The following THRB variants were observed in gnomAD, a reference collection of about 807,000 sequenced individuals.
THRB encodes the protein nuclear receptor subfamily 1 group A member 2.
In THRB, 12 loss-of-function variants were observed where a neutral mutation model predicts 47.8. The ratio of observed to expected loss-of-function variants is 0.25; its 90% confidence interval spans 0.16 to 0.41. The LOEUF (loss-of-function observed/expected upper bound fraction) is 0.41. Among genes scored for constraint, THRB ranks in the 10% least tolerant of loss-of-function variants. THRB has a pLI of 1.00. For missense variants in THRB, 348 were observed against 589.2 expected, an observed-to-expected ratio of 0.59 and a Z score of 4.24; for synonymous variants, 218 against 212.2, an observed-to-expected ratio of 1.03 and a Z score of -0.24.
intron 1 of THRB, among the ~76,000 whole-genome samples, chr3:24,404,323 A>G (rs2067654224): frequency 6.6e-6 from 1 of 151,952 alleles, no homozygotes. Flanking sequence ...CAAACTCCAT[A>G]TTGCAACTGT....
At chr3:24,243,433 G>A (rs9840296) in intron 3 of THRB, among the ~76,000 whole-genome samples, 88,063 of 151,534 alleles carry the variant, frequency 0.58, 25,912 homozygotes, top group East Asian at 0.8. Context: ...CCTCTTCCTC[G>A]AACGTGTCAT....
chr3:24,186,339 A>AG (rs999000503), intron 5 of THRB, among the ~76,000 whole-genome samples: 5 of 149,412 alleles, frequency 3.3e-5, no homozygotes, highest in Non-Finnish European at 5.9e-5. Context: ...CTGGGAAGGG[A>AG]GGAGGAGGAC....
rs150004310 is a variant in THRB at position 24,145,773 on chromosome 3, C to T, written c.532+902G>A. ...AAATGTGAGTCATGATTACTTCTTT[C>T]ATCAGGAAAAATCCTCACTGTATTT... On this transcript the variant is annotated intron_variant, in intron 7 of 10. Transcript: ENST00000646209. 9.9e-5 allele frequency among the ~76,000 whole-genome samples: 15 copies of T among 152,226 alleles called. No individual in the cohort carries two copies. In the East Asian group the frequency reaches 2.5e-3, roughly 25 times the overall value.
At chr3:24,383,301 T>C (rs1356677218) in intron 1 of THRB, among the ~76,000 whole-genome samples, 1 of 152,110 alleles carries the variant, frequency 6.6e-6, no homozygotes, top group Non-Finnish European at 1.5e-5. Context: ...CCATCCCTCA[T>C]CCATTCATCC....
rs2030994753 is a variant in THRB, at chr3:24,118,213, A to G, written c.*4671T>C. The G allele has an allele frequency of 6.5e-6, 1 of 152,682 alleles. No individual in the cohort carries two copies. The highest frequency in any genetic ancestry group is 2.4e-5 in the African/African-American group (1 of 41,474). 9.5% of individuals were successfully genotyped at this position (152,682 alleles called of 1,614,324 possible). A position where few individuals can be genotyped will look rare whatever the true frequency, so the allele number is the denominator to read the frequency against. On this transcript the variant is annotated 3_prime_UTR_variant, in exon 11 of 11. Coordinates refer to ENST00000646209, the MANE Select transcript of THRB (RefSeq NM_001354712.2). Reference sequence around the variant, plus strand: ...TTTAAAGAAAGAGACAGGAAAATATATCTGTTATAAGCTTTTTCTTTTTTA... The same window carrying G: ...TTTAAAGAAAGAGACAGGAAAATATGTCTGTTATAAGCTTTTTCTTTTTTA...
At chr3:24,207,001 T>G (rs887901006) in intron 4 of THRB, among the ~76,000 whole-genome samples, 1 of 152,038 alleles carries the variant, frequency 6.6e-6, no homozygotes, top group Non-Finnish European at 1.5e-5. Flanking sequence ...AGGCAATAAT[T>G]AATAGCCTAC....
At chr3:24,316,505 C>G (rs1490727690) in intron 2 of THRB, among the ~76,000 whole-genome samples, 1 of 152,038 alleles carries the variant, frequency 6.6e-6, no homozygotes, top group East Asian at 1.9e-4. Flanking sequence ...CCTCCTCCCC[C>G]ACCACATGCT....
chr3:24,262,621 C>A (rs560231488), intron 3 of THRB, among the ~76,000 whole-genome samples: 70 of 152,318 alleles, frequency 4.6e-4, no homozygotes, highest in Middle Eastern at 3.4e-3. Flanking sequence ...AGCTTCTCTC[C>A]CAGATACTGT....
intron 3 of THRB, among the ~76,000 whole-genome samples, chr3:24,262,175 T>A (rs1460917544): frequency 6.6e-6 from 1 of 152,186 alleles, no homozygotes; most frequent in East Asian, 1.9e-4. Context: ...ACTTGTTCCA[T>A]CCTCTGTCTT....
rs557802288 is a variant in THRB at position 24,342,511 on chromosome 3, A to T, written c.-260-5140T>A. Among the ~76,000 whole-genome samples, 5 of 152,120 alleles carry T rather than the reference A, an allele frequency of 3.3e-5. No individual in the cohort carries two copies. The South Asian group carries it at 8.3e-4, about 25-fold the overall frequency. ...AGAGGAGACACAACTGTTGTCAGAG[A>T]TACTGTCTGAGGCAGAGAGAGTGGA... On this transcript the variant is annotated intron_variant, in intron 1 of 10. Transcript: ENST00000646209.
At chr3:24,192,337 A>G (rs2043449346) in intron 4 of THRB, among the ~76,000 whole-genome samples, 1 of 152,066 alleles carries the variant, frequency 6.6e-6, no homozygotes, top group Non-Finnish European at 1.5e-5. Flanking sequence ...GATTGATTTT[A>G]TTTCTACAGA....
At chr3:24,324,842 T>C (rs565169968) in intron 2 of THRB, among the ~76,000 whole-genome samples, 35 of 152,264 alleles carry the variant, frequency 2.3e-4, no homozygotes, top group African/African-American at 8.4e-4. Flanking sequence ...GAAAATCAAG[T>C]AGGTAAATGC....
chr3:24,176,658 T>C (rs1409053178), intron 5 of THRB, among the ~76,000 whole-genome samples: 1 of 152,144 alleles, frequency 6.6e-6, no homozygotes, highest in Non-Finnish European at 1.5e-5. Context: ...TGTGGGTGAA[T>C]CTCAAAAACA....
chr3:24,202,611 C>T (rs1307528414), intron 4 of THRB, among the ~76,000 whole-genome samples: 8 of 152,172 alleles, frequency 5.3e-5, no homozygotes, highest in African/African-American at 1.7e-4. Flanking sequence ...GGTTAAAAAG[C>T]TGCCAAATCA....
intron 5 of THRB, among the ~76,000 whole-genome samples, chr3:24,186,767 G>A (rs13062290): frequency 0.26 from 40,024 of 151,590 alleles, 5,588 homozygotes; most frequent in Non-Finnish European, 0.3. Context: ...CCAACATGGC[G>A]AAATCCTGTC....
At chr3:24,424,377 C>G (rs924844316) in intron 1 of THRB, among the ~76,000 whole-genome samples, 1 of 151,842 alleles carries the variant, frequency 6.6e-6, no homozygotes, top group South Asian at 2.1e-4. Flanking sequence ...GTTTTATAAC[C>G]GAGGCAAATG....
intron 5 of THRB, among the ~76,000 whole-genome samples, chr3:24,157,985 T>C (rs1460622596): frequency 3.3e-5 from 5 of 152,220 alleles, no homozygotes; most frequent in Non-Finnish European, 7.3e-5. Flanking sequence ...CACTTGAAGA[T>C]GCAAACCACT....
At chr3:24,441,879 T>G (rs2071562903) in intron 1 of THRB, among the ~76,000 whole-genome samples, 1 of 151,890 alleles carries the variant, frequency 6.6e-6, no homozygotes, top group Non-Finnish European at 1.5e-5. Flanking sequence ...CCCTGTAAGT[T>G]GCTGGCTCCC....
At chr3:24,323,227 GTT>G (rs200089945) in intron 2 of THRB, among the ~76,000 whole-genome samples, 2 of 141,530 alleles carry the variant, frequency 1.4e-5, no homozygotes, top group Admixed American at 7.1e-5. Flanking sequence ...ACGGTTTTTG[GTT>G]TTTTTTTTTT....
Sources: gnomAD v4.1 joint callset for allele counts (sites outside exome capture counted in the v4.1 genomes callset) on GRCh38, gnomAD v4.1.1 for gene constraint, MANE v1.5 for transcripts, NCBI Gene and HGNC (gene_info 2026-07-23, HGNC 2026-07-21) for gene names.